The following ATRNL1 variants were observed in gnomAD, a reference collection of about 807,000 sequenced individuals.
ATRNL1 encodes attractin like 1.
ATRNL1 carries 95 observed loss-of-function variants against 182.7 expected under a neutral mutation model. That is an observed-to-expected ratio of 0.52 (90% CI 0.44 to 0.62). The LOEUF (loss-of-function observed/expected upper bound fraction) is 0.62, where lower values mean the gene tolerates loss of function less well. ATRNL1 is among the 20% of genes least tolerant of loss of function. The pLI, the probability that ATRNL1 is intolerant of heterozygous loss-of-function variation, is 0.00. For missense variants in ATRNL1, 1,471 were observed against 1,679.5 expected (o/e 0.88, Z 2.17); for synonymous variants, 576 against 568.3 (o/e 1.01, Z -0.19).
intron 20 of ATRNL1, among the ~76,000 whole-genome samples, chr10:115,401,071 A>G (rs1844541657): frequency 6.6e-6 from 1 of 152,094 alleles, no homozygotes; most frequent in Non-Finnish European, 1.5e-5. Flanking sequence ...TTATTAGGTT[A>G]ATGGTTCTTG....
At chr10:115,347,560 A>G (rs1856032535) in intron 19 of ATRNL1, among the ~76,000 whole-genome samples, 1 of 152,094 alleles carries the variant, frequency 6.6e-6, no homozygotes, top group Non-Finnish European at 1.5e-5. Flanking sequence ...TTAAAATTCA[A>G]AGTGCATGCC....
chr10:115,534,916 A>T (rs1420264456), intron 25 of ATRNL1, among the ~76,000 whole-genome samples: 1 of 152,144 alleles, frequency 6.6e-6, no homozygotes, highest in East Asian at 1.9e-4. Context: ...CTTTTCTTTA[A>T]GAATGTTGTC....
At chr10:115,931,629 A>G (rs782274646) in intron 28 of ATRNL1, among the ~76,000 whole-genome samples, 1 of 152,224 alleles carries the variant, frequency 6.6e-6, no homozygotes, top group African/African-American at 2.4e-5. Flanking sequence ...TTTCATCTTC[A>G]TGCCAGCTAA....
intron 21 of ATRNL1, among the ~76,000 whole-genome samples, chr10:115,429,773 A>G (rs1554963569): frequency 6.6e-6 from 1 of 152,084 alleles, no homozygotes. Context: ...GCAGTTTTTA[A>G]AAATTATTTT....
intron 27 of ATRNL1, among the ~76,000 whole-genome samples, chr10:115,777,284 T>C (rs968678431): frequency 9.2e-5 from 14 of 152,314 alleles, no homozygotes; most frequent in African/African-American, 3.4e-4. Context: ...GATTTTAAAA[T>C]TGTTACTAGT....
intron 9 of ATRNL1, among the ~76,000 whole-genome samples, chr10:115,230,677 T>C (rs914192353): frequency 2.0e-5 from 3 of 152,062 alleles, no homozygotes; most frequent in African/African-American, 7.3e-5. Flanking sequence ...AGGAGCGGTG[T>C]TGTAATTACG....
chr10:115,143,214 A>G (rs546394441), intron 5 of ATRNL1, among the ~76,000 whole-genome samples: 1 of 152,306 alleles, frequency 6.6e-6, no homozygotes, highest in African/African-American at 2.4e-5. Flanking sequence ...CTAGGCATAT[A>G]AATTCCTTTC....
chr10:115,523,200 C>T (rs1231878295), intron 25 of ATRNL1, among the ~76,000 whole-genome samples: 3 of 152,104 alleles, frequency 2.0e-5, no homozygotes, highest in East Asian at 1.9e-4. Flanking sequence ...ATTTGAGCAG[C>T]GAGATGTGGG....
intron 27 of ATRNL1, among the ~76,000 whole-genome samples, chr10:115,779,988 A>G (rs797037402): frequency 1.3e-5 from 2 of 152,230 alleles, no homozygotes; most frequent in East Asian, 1.9e-4. Context: ...CACCTTCATA[A>G]GTACCAGAAA....
At chr10:115,650,867 G>T (rs915163588) in intron 26 of ATRNL1, among the ~76,000 whole-genome samples, 1 of 151,824 alleles carries the variant, frequency 6.6e-6, no homozygotes, top group Non-Finnish European at 1.5e-5. Flanking sequence ...GTTTTGGTTC[G>T]TTGATTATTC....
intron 28 of ATRNL1, among the ~76,000 whole-genome samples, chr10:115,898,381 C>A (rs1160800405): frequency 3.3e-5 from 5 of 152,186 alleles, no homozygotes; most frequent in African/African-American, 1.2e-4. Flanking sequence ...GTGATTTGTG[C>A]AGTGAAAGAC....
At chr10:115,577,074 T>A (rs1476016864) in intron 26 of ATRNL1, among the ~76,000 whole-genome samples, 1 of 151,914 alleles carries the variant, frequency 6.6e-6, no homozygotes, top group Non-Finnish European at 1.5e-5. Context: ...AGCTCTCTTT[T>A]CGGTTCTATT....
intron 8 of ATRNL1, among the ~76,000 whole-genome samples, chr10:115,206,193 G>A (rs1362363790): frequency 6.6e-6 from 1 of 151,914 alleles, no homozygotes; most frequent in Admixed American, 6.6e-5. Context: ...TTAAATTGTT[G>A]TTCCCTTATA....
intron 21 of ATRNL1, among the ~76,000 whole-genome samples, chr10:115,436,629 T>G (rs1554964860): frequency 6.6e-6 from 1 of 152,160 alleles, no homozygotes; most frequent in East Asian, 1.9e-4. Context: ...TAGTATTTAT[T>G]AAATATTTAT....
intron 26 of ATRNL1, among the ~76,000 whole-genome samples, chr10:115,552,728 C>T (rs1853069476): frequency 6.6e-6 from 1 of 151,006 alleles, no homozygotes; most frequent in Non-Finnish European, 1.5e-5. Flanking sequence ...CTCTTAAACA[C>T]ACATTAAAAA....
chr10:115,275,661 G>C (rs1199994052), intron 13 of ATRNL1, among the ~76,000 whole-genome samples: 1 of 152,124 alleles, frequency 6.6e-6, no homozygotes, highest in Non-Finnish European at 1.5e-5. Context: ...CCACTGCAAG[G>C]CTGGGCATAC....
In ATRNL1 at chr10:115,499,174, C is replaced by T. The variant is rs547412409; in HGVS notation, c.3655-20089C>T. ...TTTTATCTTGTCATTTTAAAGGTTC[C>T]GTTTTGTTTTCTAACATTTATAACA... On this transcript the variant is annotated intron_variant, in intron 24 of 28. Coordinates refer to ENST00000355044, the MANE Select transcript of ATRNL1 (RefSeq NM_207303.4). Among the ~76,000 whole-genome samples, 9 of 151,928 alleles carry T rather than the reference C, an allele frequency of 5.9e-5. No homozygotes were observed. The South Asian group carries it at 8.3e-4, about 14-fold the overall frequency.
At chr10:115,923,785 G>A (rs1332228874) in intron 28 of ATRNL1, among the ~76,000 whole-genome samples, 4 of 152,098 alleles carry the variant, frequency 2.6e-5, no homozygotes, top group Admixed American at 2.6e-4. Flanking sequence ...TGGGATTGTT[G>A]GGTCAAATGG....
chr10:115,475,825 T>G (rs1848502989), intron 24 of ATRNL1, among the ~76,000 whole-genome samples: 1 of 151,352 alleles, frequency 6.6e-6, no homozygotes, highest in South Asian at 2.1e-4. Context: ...ACCTCACCTT[T>G]TTAAAACCTT....
Sources: gnomAD v4.1 joint callset for allele counts (sites outside exome capture counted in the v4.1 genomes callset) on GRCh38, gnomAD v4.1.1 for gene constraint, MANE v1.5 for transcripts, NCBI Gene and HGNC (gene_info 2026-07-23, HGNC 2026-07-21) for gene names.